Variants in ANO1 observed in about 807,000 individuals in gnomAD.
ANO1 encodes the protein anoctamin-1.
ANO1 carries 59 observed loss-of-function variants against 124.0 expected under a neutral mutation model. The ratio of observed to expected loss-of-function variants is 0.48; its 90% CI spans 0.39 to 0.59. The LOEUF (loss-of-function observed/expected upper bound fraction) is 0.59. Among genes scored for constraint, ANO1 ranks in the 20% least tolerant of loss-of-function variants. The pLI, the probability that ANO1 is intolerant of heterozygous loss-of-function variation, is 0.00. For missense variants in ANO1, 1,059 were observed against 1,328.0 expected, an observed-to-expected ratio of 0.80 and a Z score of 3.15; for synonymous variants, 529 against 532.0, an observed-to-expected ratio of 0.99 and a Z score of 0.08.
At chr11:70,041,345 T>C (rs1444162270) in intron 1 of ANO1, among the ~76,000 whole-genome samples, 1 of 152,238 alleles carries the variant, frequency 6.6e-6, no homozygotes, top group Non-Finnish European at 1.5e-5. Flanking sequence ...ACTCTTTTTA[T>C]TCGATATTTC....
chr11:70,070,855 G>A (rs1857855834), intron 1 of ANO1, among the ~76,000 whole-genome samples: 2 of 152,192 alleles, frequency 1.3e-5, no homozygotes, highest in South Asian at 4.1e-4. Context: ...ATCTCCTTCA[G>A]GGGTACCTGC....
At chr11:70,035,995 G>T (rs142691528) in intron 1 of ANO1, among the ~76,000 whole-genome samples, 1 of 152,154 alleles carries the variant, frequency 6.6e-6, no homozygotes, top group Non-Finnish European at 1.5e-5. Flanking sequence ...ACATGTGCAC[G>T]TGTCTTTATA....
intron 21 of ANO1, 34 bp downstream of exon 21, chr11:70,167,421 G>T: frequency 6.3e-7 from 1 of 1,592,198 alleles, no homozygotes. Flanking sequence ...GGTGACATCA[G>T]GATAGAAACA....
chr11:69,985,335 C>A, upstream of ANO1, among the ~76,000 whole-genome samples: 1 of 144,830 alleles, frequency 6.9e-6, no homozygotes, highest in Non-Finnish European at 1.5e-5. Context: ...GGGAGGGAAC[C>A]CGGGGAGGGG....
intron 8 of ANO1, among the ~76,000 whole-genome samples, chr11:70,121,361 GTC>G (rs1330260488): frequency 1.5e-5 from 2 of 135,958 alleles, no homozygotes; most frequent in Non-Finnish European, 3.1e-5. Context: ...CTCTCTGTCT[GTC>G]TCTCTGTCTC....
chr11:70,080,928 T>C (rs1200885733), intron 1 of ANO1, among the ~76,000 whole-genome samples: 1 of 152,170 alleles, frequency 6.6e-6, no homozygotes, highest in East Asian at 1.9e-4. Context: ...CCGGCACCAC[T>C]CAAGCCAACA....
intron 1 of ANO1, among the ~76,000 whole-genome samples, chr11:69,998,421 T>A (rs1856315880): frequency 6.6e-6 from 1 of 151,772 alleles, no homozygotes; most frequent in Non-Finnish European, 1.5e-5. Context: ...GCGTCCTCGG[T>A]TCAGGGGAAA....
chr11:70,021,916 G>T (rs150067735), intron 1 of ANO1, among the ~76,000 whole-genome samples: 13 of 152,284 alleles, frequency 8.5e-5, no homozygotes, highest in African/African-American at 3.1e-4. Flanking sequence ...TGTCACACAA[G>T]AACTTGTTCC....
chr11:70,123,620 G>A (rs2046381445), intron 8 of ANO1, among the ~76,000 whole-genome samples: 1 of 152,200 alleles, frequency 6.6e-6, no homozygotes, highest in Non-Finnish European at 1.5e-5. Flanking sequence ...GTGGGCAGCT[G>A]CTCTGTCCCA....
chr11:70,121,509 ATC>A (rs1437466639), intron 8 of ANO1, among the ~76,000 whole-genome samples: 2 of 73,566 alleles, frequency 2.7e-5, no homozygotes, highest in African/African-American at 5.7e-5. Context: ...CTGTCTCTCT[ATC>A]TCTGTCTCTC....
chr11:70,076,826 A>G (rs2044064454), upstream of ANO1, among the ~76,000 whole-genome samples: 1 of 152,256 alleles, frequency 6.6e-6, no homozygotes, highest in Non-Finnish European at 1.5e-5. Flanking sequence ...CTTGTGCCTA[A>G]ATGGGAGAGT....
chr11:70,152,485 C>CTA, intron 13 of ANO1, 24 bp downstream of exon 13: 1 of 1,611,384 alleles, frequency 6.2e-7, no homozygotes, highest in Middle Eastern at 1.7e-4. Flanking sequence ...TGTCGCTCCT[C>CTA]TATCTTCCCA....
At chr11:70,153,163 A>G in intron 14 of ANO1, 35 bp downstream of exon 14, 1 of 1,522,338 alleles carries the variant, frequency 6.6e-7, no homozygotes, top group Non-Finnish European at 9.0e-7. Context: ...TTTCCCAGCA[A>G]TAAAACACTG....
At chr11:70,030,087 A>G (rs1192839201) in intron 1 of ANO1, among the ~76,000 whole-genome samples, 1 of 152,226 alleles carries the variant, frequency 6.6e-6, no homozygotes, top group African/African-American at 2.4e-5. Context: ...GGCAGAGGGA[A>G]ACAAAAGCAA....
chr11:70,165,062 G>T (rs1406593606), intron 19 of ANO1, among the ~76,000 whole-genome samples: 1 of 152,136 alleles, frequency 6.6e-6, no homozygotes, highest in Non-Finnish European at 1.5e-5. Flanking sequence ...TGTTAGCCGG[G>T]CTGTGTTCCC....
At chr11:70,109,480 C>T (rs2045687189) in intron 6 of ANO1, among the ~76,000 whole-genome samples, 1 of 152,142 alleles carries the variant, frequency 6.6e-6, no homozygotes, top group Admixed American at 6.5e-5. Flanking sequence ...GTGGAGGAGT[C>T]CCATCCAGGG....
At chr11:70,052,531 CTTTTTTTTTTTTTTTTTTTTT>C (rs200770702) in intron 1 of ANO1, among the ~76,000 whole-genome samples, 808 of 65,942 alleles carry the variant, frequency 0.012, 13 homozygotes, top group African/African-American at 0.042. Context: ...TTTTTCTTTT[CTTTTTTTTTTTTTTTTTTTTT>C]TTTTTTTTTT....
intron 12 of ANO1, among the ~76,000 whole-genome samples, chr11:70,151,094 C>T (rs1435252184): frequency 6.6e-6 from 1 of 152,166 alleles, no homozygotes; most frequent in African/African-American, 2.4e-5. Flanking sequence ...GCTGTGTGAC[C>T]CCAGGCAAAT....
chr11:70,152,348 A>AG, intron 12 of ANO1, 102 bp from the exon 13 acceptor site: 1 of 1,001,068 alleles, frequency 1.0e-6, no homozygotes, highest in East Asian at 2.9e-5. Context: ...AAAAAAAAAA[A>AG]AAAAAAAAAG....
Sources: gnomAD v4.1 joint callset for allele counts (sites outside exome capture counted in the v4.1 genomes callset) on GRCh38, gnomAD v4.1.1 for gene constraint, MANE v1.5 for transcripts, NCBI Gene and HGNC (gene_info 2026-07-23, HGNC 2026-07-21) for gene names.